Variants in ZNF462 observed in about 807,000 individuals in gnomAD.
ZNF462 encodes zinc finger protein 462.
ZNF462 carries 10 observed loss-of-function variants against 201.9 expected under a neutral mutation model. That is an observed-to-expected ratio of 0.05 (90% CI 0.03 to 0.08). The LOEUF is 0.08. Among genes scored for constraint, ZNF462 ranks in the 10% least tolerant of loss-of-function variants. The probability of loss-of-function intolerance (pLI) is 1.00; values close to 1 mark genes in which losing one functional copy is unlikely to be tolerated. For missense variants in ZNF462, 2,523 were observed against 3,168.3 expected (o/e 0.80, Z 4.89); for synonymous variants, 1,227 against 1,193.3 (o/e 1.03, Z -0.58).
At position 106,972,409 on chromosome 9, in the gene ZNF462, A is replaced by G. The variant is rs1406033530; in HGVS notation, c.6695+137A>G. The stretch of plus-strand genomic sequence containing the variant: ...ATGTGATGATGTAGGGGTTGGGTCC[A>G]GGCTTCATGGAAGGAGGGTAGTTTC... On this transcript the variant is annotated intron_variant, in intron 8 of 12. Coordinates refer to ENST00000277225, the MANE Select transcript of ZNF462 (RefSeq NM_021224.6). The surrounding 1 kb of genome is among the most constrained non-coding windows in gnomAD (Gnocchi z 4.8). 2 of 1,257,860 alleles carry G rather than the reference A, an allele frequency of 1.6e-6. No homozygotes were observed. The highest frequency in any genetic ancestry group is 2.2e-6 in the Non-Finnish European group (2 of 919,696). The allele number at this position is 1,257,860 out of a possible 1,614,324, so 77.9% of individuals were successfully genotyped here. A position where few individuals can be genotyped will look rare whatever the true frequency, so the allele number is the denominator to read the frequency against.
intron 7 of ZNF462, among the ~76,000 whole-genome samples, chr9:106,947,653 G>A (rs1354200613): frequency 1.3e-5 from 2 of 152,184 alleles, no homozygotes; most frequent in Non-Finnish European, 2.9e-5. Context: ...AGGTATAAAT[G>A]ATTAATCTCA....
chr9:106,930,865 C>G lies in ZNF462; in HGVS notation c.6012+176C>G. ...TGCAGGTTGGACCTTCCTCATCTTT[C>G]TGTTCAGGGAAAGGTCGAGTTTCGA... On this transcript the variant is annotated intron_variant, in intron 4 of 12. Coordinates refer to ENST00000277225, the MANE Select transcript of ZNF462 (RefSeq NM_021224.6). This position sits in a 1 kb window ranked among gnomAD's most constrained non-coding sequence, Gnocchi z 5.8. 4.2e-6 allele frequency: 3 copies of G among 714,674 alleles called. No individual in the cohort carries two copies. The highest frequency in any genetic ancestry group is 6.6e-6 in the Non-Finnish European group (3 of 452,374). The allele number at this position is 714,674 out of a possible 1,614,324, so 44.3% of individuals were successfully genotyped here.
chr9:106,877,322 T>A (rs1331303511), intron 1 of ZNF462, among the ~76,000 whole-genome samples: 3 of 139,798 alleles, frequency 2.1e-5, no homozygotes, highest in South Asian at 2.3e-4. Flanking sequence ...TTTTTTTTTT[T>A]ACATTTGGGA....
In ZNF462 at chr9:106,928,539, G is replaced by A; in HGVS notation, c.4627G>A (p.Val1543Met). ...HYQKRHPSIK[V>M]TAEDFVHDVE... ...CCAGAAGCGACACCCGTCCATCAAGGTGACCGCTGAGGACTTTGTGCACGA... is the reference window on the plus strand; with the variant it reads ...CCAGAAGCGACACCCGTCCATCAAGATGACCGCTGAGGACTTTGTGCACGA... Residue 1543 changes from valine (V) to methionine (M), a missense_variant, in exon 3 of 13, where the codon GTG becomes ATG. Physicochemically the swap from Val to Met is conservative, Grantham distance 21. Coordinates refer to ENST00000277225, the MANE Select transcript of ZNF462 (RefSeq NM_021224.6). This position sits in a 1 kb window ranked among gnomAD's most constrained non-coding sequence, Gnocchi z 9.3. 1 of 1,613,972 alleles carries A rather than the reference G, an allele frequency of 6.2e-7. No homozygotes were observed. The highest frequency in any genetic ancestry group is 1.1e-5 in the South Asian group (1 of 91,076).
intron 10 of ZNF462, among the ~76,000 whole-genome samples, chr9:106,991,128 A>G (rs1026643530): frequency 3.3e-5 from 5 of 152,036 alleles, no homozygotes; most frequent in African/African-American, 7.2e-5. Flanking sequence ...CTTTTTATTT[A>G]TAGACAATTT....
Position 106,929,452 on chromosome 9 carries a change from G to A in ZNF462, c.5540G>A (p.Arg1847His), listed in dbSNP as rs376924670. ...CAGGAAATCGAGTGGCTCCCATTCC[G>A]CTGCATCAAATGCTTCAAGCTGTCC... ...EAQEIEWLPF[R>H]CIKCFKLSFS... Residue 1847 changes from arginine (R) to histidine (H), a missense_variant, in exon 3 of 13, where the codon CGC becomes CAC. Physicochemically the swap from Arg to His is conservative, Grantham distance 29. Around this residue, in one of 15 missense-constraint regions of ZNF462, gnomAD observed 207 missense variants for 231.6 expected, o/e 0.89. Coordinates refer to ENST00000277225, the MANE Select transcript of ZNF462 (RefSeq NM_021224.6). This position sits in a 1 kb window ranked among gnomAD's most constrained non-coding sequence, Gnocchi z 8.7. 11 of 1,613,940 alleles carry A rather than the reference G, an allele frequency of 6.8e-6. No homozygotes were observed. Among genetic ancestry groups the A allele is most frequent in the East Asian group, 4.5e-5 (2 of 44,870 alleles).
intron 1 of ZNF462, among the ~76,000 whole-genome samples, chr9:106,894,442 G>A (rs968765168): frequency 3.3e-5 from 5 of 152,280 alleles, no homozygotes; most frequent in African/African-American, 9.6e-5. Context: ...ATTTTTATGC[G>A]GGAGGGATCT....
At chr9:106,879,627 G>C (rs1428424831) in intron 1 of ZNF462, among the ~76,000 whole-genome samples, 1 of 152,038 alleles carries the variant, frequency 6.6e-6, no homozygotes. Context: ...TTTGAGACCG[G>C]CCATCCATTC....
Position 106,925,021 on chromosome 9 carries a change from T to G in ZNF462, c.1109T>G (p.Met370Arg). The change falls in exon 3 of 13, where the codon ATG becomes AGG. Residue 370 changes from methionine to arginine, a missense_variant. Around this residue, in one of 15 missense-constraint regions of ZNF462, gnomAD observed 480 missense variants for 544.4 expected, o/e 0.88. Transcript: ENST00000277225. This position sits in a 1 kb window ranked among gnomAD's most constrained non-coding sequence, Gnocchi z 7.9. ...TERSRYGMTD[M>R]TNSSADLETN... ...AGATCCCGTTATGGAATGACTGACA[T>G]GACCAATTCTTCTGCTGACCTGGAA... is the stretch of plus-strand genomic sequence containing the variant. 6.2e-7 allele frequency: 1 copy of G among 1,614,188 alleles called. No individual in the cohort carries two copies. The highest frequency in any genetic ancestry group is 8.5e-7 in the Non-Finnish European group (1 of 1,180,044).
chr9:106,993,576 T>C lies in ZNF462; in HGVS notation c.7056+9167T>C, dbSNP rs1336820632. Among the ~76,000 whole-genome samples the C allele has an allele frequency of 6.6e-6, 1 of 152,012 alleles. No homozygotes were observed. On this transcript the variant is annotated intron_variant, in intron 10 of 12. Coordinates refer to ENST00000277225, the MANE Select transcript of ZNF462 (RefSeq NM_021224.6). This position sits in a 1 kb window ranked among gnomAD's most constrained non-coding sequence, Gnocchi z 4.0. ...CTGTTTTTAATCTCAGTGGGTCCTC[T>C]AGAAGGTTGACTAGTGTAGTCTCTC...
intron 1 of ZNF462, among the ~76,000 whole-genome samples, chr9:106,889,362 T>TA (rs1828473037): frequency 6.6e-6 from 1 of 152,212 alleles, no homozygotes; most frequent in Admixed American, 6.5e-5. Flanking sequence ...CTCAGGGTGT[T>TA]ACTGTCACTG....
In ZNF462 at chr9:107,009,698, G is replaced by C; in HGVS notation, c.7313+30G>C. On this transcript the variant is annotated intron_variant, in intron 12 of 12. Transcript: ENST00000277225. This position sits in a 1 kb window ranked among gnomAD's most constrained non-coding sequence, Gnocchi z 6.1. ...GTTGGGCCACTTCAAGGATGCCTTT[G>C]TCCAAAGCAAGAGGTAGGGAGGGAG... The C allele has an allele frequency of 1.9e-6, 3 of 1,581,070 alleles. No homozygotes were observed. Among genetic ancestry groups the C allele is most frequent in the Non-Finnish European group, 2.6e-6 (3 of 1,158,984 alleles).
intron 10 of ZNF462, among the ~76,000 whole-genome samples, chr9:106,989,300 C>T (rs184802109): frequency 1.3e-5 from 2 of 151,900 alleles, no homozygotes; most frequent in African/African-American, 2.4e-5. Context: ...GATGAGCATG[C>T]GATTTCTGTT....
intron 1 of ZNF462, among the ~76,000 whole-genome samples, chr9:106,922,865 C>T (rs780906274): frequency 6.6e-6 from 1 of 152,262 alleles, no homozygotes. Context: ...AATACTATTT[C>T]ACTAATTGGT....
At position 106,972,316 on chromosome 9, in the gene ZNF462, C is replaced by T. The variant is rs771121379; in HGVS notation, c.6695+44C>T. The T allele has an allele frequency of 6.3e-7, 1 of 1,583,380 alleles. No homozygotes were observed. The highest frequency in any genetic ancestry group is 8.6e-7 in the Non-Finnish European group (1 of 1,164,228). On this transcript the variant is annotated intron_variant, in intron 8 of 12. Coordinates refer to ENST00000277225, the MANE Select transcript of ZNF462 (RefSeq NM_021224.6). This position sits in a 1 kb window ranked among gnomAD's most constrained non-coding sequence, Gnocchi z 4.8. ...AGCTATGGAAAACAAGGCGGCCGCCCCTGCTCCACCCCTCACTGCAGGCTT... is the reference window on the plus strand; with the variant it reads ...AGCTATGGAAAACAAGGCGGCCGCCTCTGCTCCACCCCTCACTGCAGGCTT...
intron 1 of ZNF462, among the ~76,000 whole-genome samples, chr9:106,881,442 A>G (rs1828093255): frequency 6.6e-6 from 1 of 152,144 alleles, no homozygotes; most frequent in African/African-American, 2.4e-5. Context: ...TTGGTCCCCA[A>G]TTTCCCTATC....
At position 107,012,734 on chromosome 9, in the gene ZNF462, T is replaced by TTTTTTTTTTTGGG. The variant is rs1829994306; in HGVS notation, c.*1704_*1705insTTTTTTTTTTGGG. The TTTTTTTTTTTGGG allele has an allele frequency of 2.7e-5, 2 of 75,306 alleles. No individual in the cohort carries two copies. Among genetic ancestry groups the TTTTTTTTTTTGGG allele is most frequent in the Admixed American group, 3.2e-4 (2 of 6,236 alleles). The allele number at this position is 75,306 out of a possible 1,614,324, so 4.7% of individuals were successfully genotyped here. On this transcript the variant is annotated 3_prime_UTR_variant, in exon 13 of 13. Transcript: ENST00000277225. ...ATGTTTTTTTTTTTTTTTTTTTACTTGGAAGGGTTGTGGGAGGGTGGGAGG... is the reference window on the plus strand; with the variant it reads ...ATGTTTTTTTTTTTTTTTTTTTACTTTTTTTTTTTTGGGGGAAGGGTTGTGGGAGGGTGGGAGG...
In ZNF462 at chr9:106,926,138, A is replaced by G; in HGVS notation, c.2226A>G (p.Glu742=). ...VEIEVELDRE[E]EPTEPIIEVP... is the part of the protein sequence containing the mutation. ...TAGAGGTTGAGTTGGACAGGGAGGA[A>G]GAACCGACAGAACCCATCATAGAGG... The change falls in exon 3 of 13, where the codon GAA becomes GAG. Residue 742 remains glutamate, a synonymous_variant. Coordinates refer to ENST00000277225, the MANE Select transcript of ZNF462 (RefSeq NM_021224.6). The surrounding 1 kb of genome is among the most constrained non-coding windows in gnomAD (Gnocchi z 7.9). 1 of 1,614,202 alleles carries G rather than the reference A, an allele frequency of 6.2e-7. No individual in the cohort carries two copies. Among genetic ancestry groups the G allele is most frequent in the Non-Finnish European group, 8.5e-7 (1 of 1,180,038 alleles).
Position 106,924,010 on chromosome 9 carries a change from G to C in ZNF462, c.221-123G>C. Reference sequence around the variant, plus strand: ...TGAATACTCTTCAAGGCCTCATCTTGAGACTTCAGGCCTTTTGCATGTGAT... The same window carrying C: ...TGAATACTCTTCAAGGCCTCATCTTCAGACTTCAGGCCTTTTGCATGTGAT... On this transcript the variant is annotated intron_variant, in intron 2 of 12. Coordinates refer to ENST00000277225, the MANE Select transcript of ZNF462 (RefSeq NM_021224.6). This position sits in a 1 kb window ranked among gnomAD's most constrained non-coding sequence, Gnocchi z 6.2. 1 of 815,200 alleles carries C rather than the reference G, an allele frequency of 1.2e-6. No homozygotes were observed. The highest frequency in any genetic ancestry group is 1.9e-6 in the Non-Finnish European group (1 of 528,986). 50.5% of individuals were successfully genotyped at this position (815,200 alleles called of 1,614,324 possible).
Sources: gnomAD v4.1 joint callset for allele counts (sites outside exome capture counted in the v4.1 genomes callset) on GRCh38, gnomAD v4.1.1 for gene constraint, gnomAD v4.1.1 regional missense constraint, Gnocchi (gnomAD v3.1) non-coding constraint, MANE v1.5 for transcripts, NCBI Gene and HGNC (gene_info 2026-07-23, HGNC 2026-07-21) for gene names.